The following DGKD variants were observed in gnomAD, a reference collection of about 807,000 sequenced individuals.
The protein encoded by DGKD is DAG kinase delta.
A neutral mutation model predicts 154.4 loss-of-function variants in DGKD; 68 were observed. The observed-to-expected ratio is 0.44, with a 90% CI of 0.36 to 0.54. The LOEUF (loss-of-function observed/expected upper bound fraction) is 0.54. Among genes scored for constraint, DGKD ranks in the 20% least tolerant of loss-of-function variants. The pLI is 0.00. For synonymous variants in DGKD, 693 were observed against 638.0 expected (o/e 1.09, Z -1.30); for missense variants, 1,343 against 1,593.6 (o/e 0.84, Z 2.68).
chr2:233,359,215 G>A (rs1701666412), intron 1 of DGKD, among the ~76,000 whole-genome samples: 1 of 152,210 alleles, frequency 6.6e-6, no homozygotes, highest in African/African-American at 2.4e-5. Flanking sequence ...TGGACAGGGT[G>A]TCTAAACCTC....
chr2:233,384,112 G>T (rs1452127052), intron 1 of DGKD, among the ~76,000 whole-genome samples: 2 of 152,142 alleles, frequency 1.3e-5, no homozygotes, highest in Non-Finnish European at 2.9e-5. Flanking sequence ...AAAAAAACCT[G>T]TTATCTTGCT....
At chr2:233,427,666 A>G (rs1041698160) in intron 3 of DGKD, among the ~76,000 whole-genome samples, 67 of 152,266 alleles carry the variant, frequency 4.4e-4, no homozygotes, top group Middle Eastern at 3.4e-3. Context: ...CTGATTTGCA[A>G]TTATCTTTTA....
At chr2:233,444,685 T>G (rs1162109033) in intron 10 of DGKD, among the ~76,000 whole-genome samples, 4 of 148,550 alleles carry the variant, frequency 2.7e-5, no homozygotes, top group Non-Finnish European at 5.9e-5. Context: ...GCCTGCTCGC[T>G]CCTGCCTCCC....
rs571329915 is a variant in DGKD at position 233,468,567 on chromosome 2, C to T, written c.3555+14C>T. The T allele has an allele frequency of 1.2e-4, 200 of 1,613,126 alleles. 2 individuals are homozygous for T. The South Asian group carries it at 1.6e-3, about 13-fold the overall frequency. On this transcript the variant is annotated intron_variant, in intron 29 of 29. Coordinates refer to ENST00000264057, the MANE Select transcript of DGKD (RefSeq NM_152879.3). ...AGGGACCTCAAGGTACTTCCATAGG[C>T]GTCTCCCTGGAACCTGCACTTGGGC...
At position 233,441,541 on chromosome 2, in the gene DGKD, G is replaced by A. The variant is rs1247409062; in HGVS notation, c.1086-346G>A. Among the ~76,000 whole-genome samples, 1 of 152,178 alleles carries A rather than the reference G, an allele frequency of 6.6e-6. No individual in the cohort carries two copies. Among genetic ancestry groups the A allele is most frequent in the African/African-American group, 2.4e-5 (1 of 41,436 alleles). On this transcript the variant is annotated intron_variant, in intron 9 of 29. Coordinates refer to ENST00000264057, the MANE Select transcript of DGKD (RefSeq NM_152879.3). The surrounding 1 kb of genome is among the most constrained non-coding windows in gnomAD (Gnocchi z 5.6). ...GTGGGCTCACATGGTTAGGGGCCAC[G>A]GCAGGCTGTGCCCGTGAGCCTGGCA...
At chr2:233,394,716 T>C (rs1575033511) in intron 3 of DGKD, among the ~76,000 whole-genome samples, 1 of 128,856 alleles carries the variant, frequency 7.8e-6, no homozygotes, top group African/African-American at 3.1e-5. Context: ...TTTTTTTTTT[T>C]TTTTTTTTAG....
chr2:233,423,041 A>G (rs2062170581), intron 3 of DGKD, among the ~76,000 whole-genome samples: 1 of 152,074 alleles, frequency 6.6e-6, no homozygotes, highest in Non-Finnish European at 1.5e-5. Context: ...TGGATTTTTC[A>G]CTCAGCGTAA....
chr2:233,399,155 C>T, intron 3 of DGKD, among the ~76,000 whole-genome samples: 1 of 152,208 alleles, frequency 6.6e-6, no homozygotes, highest in East Asian at 1.9e-4. Context: ...CCCTCCCTGA[C>T]CCTCCTGGAG....
intron 5 of DGKD, among the ~76,000 whole-genome samples, chr2:233,435,491 C>G (rs989896415): frequency 6.6e-6 from 1 of 152,100 alleles, no homozygotes; most frequent in Admixed American, 6.5e-5. Flanking sequence ...AAATTTGTGC[C>G]CGTAAAAAAA....
At chr2:233,442,751 G>A (rs1405295423) in intron 10 of DGKD, among the ~76,000 whole-genome samples, 1 of 151,934 alleles carries the variant, frequency 6.6e-6, no homozygotes, top group Admixed American at 6.6e-5. Context: ...GATTACAGGC[G>A]CACGCTACCA....
At chr2:233,420,142 G>A (rs1005705519) in intron 3 of DGKD, among the ~76,000 whole-genome samples, 3 of 152,168 alleles carry the variant, frequency 2.0e-5, no homozygotes, top group Admixed American at 6.5e-5. Context: ...TGCATAAAGG[G>A]GTTGGGATGG....
At chr2:233,450,464 CTGGCAGAGGGAAGGCGGG>C (rs1432428892) in intron 16 of DGKD, among the ~76,000 whole-genome samples, 2 of 152,114 alleles carry the variant, frequency 1.3e-5, no homozygotes, top group African/African-American at 4.8e-5. Flanking sequence ...GGGGCTGTGT[CTGGCAGAGGGAAGGCGGG>C]TGGGTGAGCG....
At position 233,432,173 on chromosome 2, in the gene DGKD, C is replaced by T. The variant is rs112357090; in HGVS notation, c.349-2207C>T. Reference sequence around the variant, plus strand: ...TTGGGAGGCCAAGGTGGGCGGATCACGAGGTCAGGAGATCGTGACCATCCT... The same window carrying T: ...TTGGGAGGCCAAGGTGGGCGGATCATGAGGTCAGGAGATCGTGACCATCCT... On this transcript the variant is annotated intron_variant, in intron 3 of 29. Coordinates refer to ENST00000264057, the MANE Select transcript of DGKD (RefSeq NM_152879.3). Among the ~76,000 whole-genome samples, 1,189 of 131,526 alleles carry T rather than the reference C, an allele frequency of 9.0e-3. 13 individuals are homozygous for T. Among genetic ancestry groups the T allele is most frequent in the African/African-American group, 0.031 (947 of 30,608 alleles). 86.3% of individuals were successfully genotyped at this position (131,526 alleles called of 152,430 possible).
At chr2:233,429,189 C>T (rs184040098) in intron 3 of DGKD, 152 of 985,332 alleles carry the variant, frequency 1.5e-4, no homozygotes, top group Non-Finnish European at 1.7e-4. Flanking sequence ...CACTTCAGCT[C>T]GTAAAGGCTG....
At chr2:233,404,102 A>G (rs879592160) in intron 3 of DGKD, among the ~76,000 whole-genome samples, 7 of 151,708 alleles carry the variant, frequency 4.6e-5, no homozygotes, top group South Asian at 4.2e-4. Flanking sequence ...CATGTGTTAT[A>G]TACATGTATA....
intron 1 of DGKD, among the ~76,000 whole-genome samples, chr2:233,355,753 G>A (rs996791000): frequency 1.3e-5 from 2 of 152,232 alleles, no homozygotes; most frequent in African/African-American, 4.8e-5. Flanking sequence ...GATAATGATA[G>A]CAATAGCAAA....
chr2:233,388,363 C>T lies in DGKD; in HGVS notation c.263C>T (p.Ala88Val). The T allele has an allele frequency of 6.2e-7, 1 of 1,612,360 alleles. No homozygotes were observed. The highest frequency in any genetic ancestry group is 8.5e-7 in the Non-Finnish European group (1 of 1,179,182). Residue 88 changes from alanine to valine, a missense_variant, in exon 2 of 30, where the codon GCA becomes GTA. By Grantham distance (64) the Ala-to-Val change is moderately conservative. Coordinates refer to ENST00000264057, the MANE Select transcript of DGKD (RefSeq NM_152879.3). ...RGRTLYYAKT[A>V]KSIIFDEVDL... ...CGAACGCTTTACTATGCCAAAACGG[C>T]AAAGGTGAGGCCCCATGCAGGAAAG...
chr2:233,467,904 C>G (rs2063876286), intron 28 of DGKD, among the ~76,000 whole-genome samples: 1 of 152,212 alleles, frequency 6.6e-6, no homozygotes, highest in African/African-American at 2.4e-5. Context: ...GAATTGAAAT[C>G]TCTGCTCGTT....
rs532373215 is a variant in DGKD at position 233,360,840 on chromosome 2, G to C, written c.156+6166G>C. On this transcript the variant is annotated intron_variant, in intron 1 of 29. Coordinates refer to ENST00000264057, the MANE Select transcript of DGKD (RefSeq NM_152879.3). ...AAAATAGAGCCGGAGATTAGAGTTC[G>C]TTGATGCAAACCAAGGAATGCCTGG... 1.1e-4 allele frequency among the ~76,000 whole-genome samples: 17 copies of C among 152,288 alleles called. No homozygotes were observed. In the East Asian group the frequency reaches 1.5e-3, roughly 14 times the overall value.
Sources: allele counts gnomAD v4.1 joint callset (sites outside exome capture counted in the v4.1 genomes callset), GRCh38; gene constraint gnomAD v4.1.1; non-coding constraint Gnocchi (gnomAD v3.1); transcripts MANE v1.5; gene names NCBI Gene and HGNC (gene_info 2026-07-23, HGNC 2026-07-21).